ASIC2: variants seen among roughly 807,000 people sequenced by gnomAD.
ASIC2 encodes acid sensing ion channel subunit 2.
ASIC2 carries 25 observed loss-of-function variants against 57.3 expected under a neutral mutation model. The observed-to-expected ratio is 0.44, with a 90% CI of 0.32 to 0.61. The LOEUF (loss-of-function observed/expected upper bound fraction) is 0.61. ASIC2 is among the 20% of genes least tolerant of loss of function. The pLI is 0.06. For missense variants in ASIC2, 641 were observed against 738.1 expected (o/e 0.87, Z 1.52); for synonymous variants, 319 against 307.5 (o/e 1.04, Z -0.39).
chr17:34,065,971 C>T (rs1317172205), intron 1 of ASIC2, among the ~76,000 whole-genome samples: 2 of 152,166 alleles, frequency 1.3e-5, no homozygotes, highest in African/African-American at 4.8e-5. Context: ...AGTATTAGAA[C>T]TGTCCACAAC....
intron 1 of ASIC2, among the ~76,000 whole-genome samples, chr17:33,283,837 C>T (rs144377901): frequency 6.6e-6 from 1 of 152,264 alleles, no homozygotes; most frequent in East Asian, 1.9e-4. Context: ...TAAGCTTCTG[C>T]TGATTACAAA....
At chr17:34,130,954 G>A (rs990409908) in intron 1 of ASIC2, among the ~76,000 whole-genome samples, 2 of 152,220 alleles carry the variant, frequency 1.3e-5, no homozygotes, top group African/African-American at 2.4e-5. Flanking sequence ...AGTACAGCGA[G>A]TAGGGAGAGA....
At chr17:33,874,069 C>T (rs1254875350) in intron 1 of ASIC2, among the ~76,000 whole-genome samples, 1 of 152,220 alleles carries the variant, frequency 6.6e-6, no homozygotes, top group Non-Finnish European at 1.5e-5. Flanking sequence ...GGCTTGGCCT[C>T]TCCTAGGTTC....
chr17:33,734,436 A>C (rs1393917886), intron 1 of ASIC2, among the ~76,000 whole-genome samples: 1 of 152,004 alleles, frequency 6.6e-6, no homozygotes, highest in Non-Finnish European at 1.5e-5. Flanking sequence ...TCTCTGTATT[A>C]TCCCTCACTG....
At position 33,536,742 on chromosome 17, in the gene ASIC2, C is replaced by T. The variant is rs568435876; in HGVS notation, c.556-424675G>A. ...GTAAGTGAGGCCAGGTGCAGTGGCT[C>T]ATGCCTGTAATCCCAGCACTTTGGG... On this transcript the variant is annotated intron_variant, in intron 1 of 9. Coordinates refer to the ASIC2 transcript ENST00000359872. Among the ~76,000 whole-genome samples, 137 of 152,324 alleles carry T rather than the reference C, an allele frequency of 9.0e-4. 1 individual carries two copies. The highest frequency in any genetic ancestry group is 1.4e-3 in the Admixed American group (21 of 15,306).
chr17:33,778,079 T>C (rs1017818148), intron 1 of ASIC2, among the ~76,000 whole-genome samples: 1 of 152,176 alleles, frequency 6.6e-6, no homozygotes, highest in Non-Finnish European at 1.5e-5. Context: ...CCCCTTGGTA[T>C]CACTGCTGAT....
intron 1 of ASIC2, among the ~76,000 whole-genome samples, chr17:33,354,534 C>T (rs1271939618): frequency 1.3e-5 from 2 of 152,126 alleles, no homozygotes; most frequent in East Asian, 1.9e-4. Context: ...CCAGCTCTCC[C>T]TGCAGCCCTA....
At chr17:34,003,541 T>G (rs1469523140) in intron 1 of ASIC2, 1 of 152,126 alleles carries the variant, frequency 6.6e-6, no homozygotes, top group Admixed American at 6.5e-5. Context: ...ATTAACACCA[T>G]TATCATCATT....
At chr17:34,040,375 C>A (rs886464852) in intron 1 of ASIC2, among the ~76,000 whole-genome samples, 6 of 125,028 alleles carry the variant, frequency 4.8e-5, no homozygotes, top group African/African-American at 1.7e-4. Flanking sequence ...TGTTTCCTCG[C>A]GAGATTTGCA....
rs544760036 is a variant in ASIC2, at chr17:33,350,765, C to T, written c.556-238698G>A. Reference sequence around the variant, plus strand: ...ATCTCAGGACCTCAGCAACACCTAACCTTCTATGAGTCACAGAAAAACTAA... The same window carrying T: ...ATCTCAGGACCTCAGCAACACCTAATCTTCTATGAGTCACAGAAAAACTAA... On this transcript the variant is annotated intron_variant, in intron 1 of 9. Coordinates refer to the ASIC2 transcript ENST00000359872. Among the ~76,000 whole-genome samples the T allele has an allele frequency of 2.6e-4, 39 of 150,568 alleles. No homozygotes were observed. In the South Asian group the frequency reaches 7.9e-3, roughly 31 times the overall value.
chr17:33,639,062 G>C (rs1029787749), intron 1 of ASIC2, among the ~76,000 whole-genome samples: 1 of 151,726 alleles, frequency 6.6e-6, no homozygotes, highest in Admixed American at 6.6e-5. Flanking sequence ...TGTCTAATGA[G>C]TGATATAAAG....
intron 1 of ASIC2, among the ~76,000 whole-genome samples, chr17:33,976,207 CTG>C (rs1438995966): frequency 1.3e-5 from 2 of 151,620 alleles, no homozygotes; most frequent in Non-Finnish European, 2.9e-5. Context: ...TCTCAAATAA[CTG>C]TTGAGTGAGT....
intron 1 of ASIC2, among the ~76,000 whole-genome samples, chr17:33,749,056 C>A (rs529730728): frequency 8.5e-4 from 130 of 152,234 alleles, no homozygotes; most frequent in African/African-American, 3.1e-3. Context: ...AAGCTGGCTC[C>A]TGCTCTCCTT....
intron 1 of ASIC2, among the ~76,000 whole-genome samples, chr17:33,894,944 A>C (rs1264602760): frequency 6.6e-6 from 1 of 152,118 alleles, no homozygotes; most frequent in South Asian, 2.1e-4. Context: ...TCCTGAATGC[A>C]TGAACTACTC....
In ASIC2 at chr17:33,343,799, C is replaced by T. The variant is rs538347110; in HGVS notation, c.556-231732G>A. ...CTCTGGCTCCTCTCATTATCACTAC[C>T]CCCAATCTGCTCATCAAAATGAAAT... On this transcript the variant is annotated intron_variant, in intron 1 of 9. Coordinates refer to the ASIC2 transcript ENST00000359872. 3.3e-5 allele frequency among the ~76,000 whole-genome samples: 5 copies of T among 152,264 alleles called. No individual in the cohort carries two copies. The East Asian group carries it at 9.6e-4, about 29-fold the overall frequency.
At chr17:33,211,149 T>G (rs1266181701) in intron 1 of ASIC2, among the ~76,000 whole-genome samples, 1 of 152,024 alleles carries the variant, frequency 6.6e-6, no homozygotes, top group Admixed American at 6.5e-5. Context: ...GGGTGACGGA[T>G]AGCATGTGTG....
chr17:33,633,449 C>G (rs1906241484), intron 1 of ASIC2, among the ~76,000 whole-genome samples: 1 of 152,162 alleles, frequency 6.6e-6, no homozygotes, highest in Non-Finnish European at 1.5e-5. Context: ...AATCCCAGTC[C>G]CTGCCACAAG....
At chr17:33,802,981 G>C (rs915789214) in intron 1 of ASIC2, among the ~76,000 whole-genome samples, 2 of 152,338 alleles carry the variant, frequency 1.3e-5, no homozygotes, top group South Asian at 2.1e-4. Flanking sequence ...CAAAGTAAGA[G>C]ATCTTGAGTG....
chr17:34,149,100 CTTTT>C (rs1175156864), intron 1 of ASIC2, among the ~76,000 whole-genome samples: 334 of 142,376 alleles, frequency 2.3e-3, no homozygotes, highest in Non-Finnish European at 3.7e-3. Flanking sequence ...TTTCTTTTTT[CTTTT>C]TTTTCTTTTC....
Sources: gnomAD v4.1 joint callset for allele counts (sites outside exome capture counted in the v4.1 genomes callset) on GRCh38, gnomAD v4.1.1 for gene constraint, MANE v1.5 for transcripts, NCBI Gene and HGNC (gene_info 2026-07-23, HGNC 2026-07-21) for gene names.